Variants in DPP10 observed in about 807,000 individuals in gnomAD.
DPP10 encodes the protein inactive dipeptidyl peptidase 10.
A neutral mutation model predicts 120.9 loss-of-function variants in DPP10; 33 were observed. The ratio of observed to expected loss-of-function variants is 0.27; its 90% CI spans 0.21 to 0.37. The LOEUF is 0.37. Ranked by LOEUF, DPP10 falls within the 10% of genes least tolerant of loss-of-function variation. The probability of loss-of-function intolerance (pLI) is 1.00; values close to 1 mark genes in which losing one functional copy is unlikely to be tolerated. For missense variants in DPP10, 816 were observed against 942.8 expected (o/e 0.87, Z 1.76); for synonymous variants, 337 against 326.1 (o/e 1.03, Z -0.36).
intron 24 of DPP10, among the ~76,000 whole-genome samples, chr2:115,838,843 C>T (rs938627841): frequency 2.0e-5 from 3 of 152,204 alleles, no homozygotes; most frequent in African/African-American, 4.8e-5. Context: ...ACAACCCATA[C>T]GGGCCTGGTG....
At chr2:114,809,300 T>C (rs1684991805) in intron 1 of DPP10, among the ~76,000 whole-genome samples, 1 of 152,198 alleles carries the variant, frequency 6.6e-6, no homozygotes, top group Non-Finnish European at 1.5e-5. Flanking sequence ...GAAGGCCATT[T>C]AGATAACCCA....
At chr2:115,403,359 TTCTC>T (rs1478784910) in intron 3 of DPP10, among the ~76,000 whole-genome samples, 4 of 148,916 alleles carry the variant, frequency 2.7e-5, no homozygotes, top group African/African-American at 9.8e-5. Context: ...CTGTCACTAC[TTCTC>T]TCTTTCTTTC....
At chr2:114,490,025 A>G (rs529718954) in intron 1 of DPP10, among the ~76,000 whole-genome samples, 14 of 152,214 alleles carry the variant, frequency 9.2e-5, no homozygotes, top group Non-Finnish European at 1.8e-4. Context: ...TGCTGGTCCA[A>G]TAATTTTTAT....
chr2:114,878,996 A>C (rs1349867288), intron 1 of DPP10, among the ~76,000 whole-genome samples: 1 of 152,136 alleles, frequency 6.6e-6, no homozygotes, highest in African/African-American at 2.4e-5. Context: ...TATGGGATTT[A>C]AGAGAAAGGT....
At chr2:114,901,329 A>C (rs1452951220) in intron 1 of DPP10, among the ~76,000 whole-genome samples, 1 of 151,960 alleles carries the variant, frequency 6.6e-6, no homozygotes, top group South Asian at 2.1e-4. Context: ...TCCCGAGCAG[A>C]TGGGACTACA....
chr2:115,729,394 G>A (rs2092844240), intron 8 of DPP10, among the ~76,000 whole-genome samples: 1 of 152,170 alleles, frequency 6.6e-6, no homozygotes, highest in East Asian at 1.9e-4. Context: ...GTAAGTAGTT[G>A]AATCTTAATC....
chr2:115,673,062 T>C (rs1178866986), intron 5 of DPP10, among the ~76,000 whole-genome samples: 1 of 152,158 alleles, frequency 6.6e-6, no homozygotes, highest in East Asian at 1.9e-4. Context: ...ATGGCTTATA[T>C]TTTAAAAAGT....
chr2:115,020,529 T>C (rs1362367651), intron 1 of DPP10, among the ~76,000 whole-genome samples: 1 of 152,014 alleles, frequency 6.6e-6, no homozygotes, highest in Non-Finnish European at 1.5e-5. Context: ...CTACTAGACC[T>C]AGGAAATGAG....
intron 1 of DPP10, among the ~76,000 whole-genome samples, chr2:115,018,637 C>T (rs905006580): frequency 6.6e-6 from 1 of 152,120 alleles, no homozygotes; most frequent in East Asian, 1.9e-4. Flanking sequence ...CACATGTTCT[C>T]ACTCATAAGT....
intron 19 of DPP10, among the ~76,000 whole-genome samples, chr2:115,803,302 C>G (rs1001789902): frequency 6.6e-6 from 1 of 152,082 alleles, no homozygotes; most frequent in East Asian, 1.9e-4. Context: ...TCCTCCATCC[C>G]TTTATTTTGA....
chr2:115,024,651 A>G (rs1703326071), intron 1 of DPP10, among the ~76,000 whole-genome samples: 1 of 149,846 alleles, frequency 6.7e-6, no homozygotes, highest in South Asian at 2.1e-4. Context: ...ACATACACAC[A>G]TATAACCTTA....
chr2:114,826,948 T>C (rs1430055303), intron 1 of DPP10, among the ~76,000 whole-genome samples: 1 of 152,200 alleles, frequency 6.6e-6, no homozygotes, highest in Non-Finnish European at 1.5e-5. Flanking sequence ...CAAGGCCAGA[T>C]TCTTCTCTGT....
chr2:115,643,826 G>A (rs1389785169), intron 5 of DPP10, among the ~76,000 whole-genome samples: 1 of 152,152 alleles, frequency 6.6e-6, no homozygotes, highest in Non-Finnish European at 1.5e-5. Context: ...AGCTTAGTCA[G>A]TTATTTTTTA....
intron 1 of DPP10, among the ~76,000 whole-genome samples, chr2:114,892,278 A>G (rs1007136395): frequency 6.6e-6 from 1 of 152,296 alleles, no homozygotes; most frequent in East Asian, 1.9e-4. Flanking sequence ...TCAGTGTGGT[A>G]AGATATTTTG....
intron 1 of DPP10, among the ~76,000 whole-genome samples, chr2:114,966,239 C>G (rs377579625): frequency 1.2e-3 from 184 of 152,162 alleles, no homozygotes; most frequent in Non-Finnish European, 1.8e-3. Context: ...TTTGTTCTTG[C>G]CCAAACTCAC....
chr2:115,800,052 C>G (rs988822240), intron 19 of DPP10, among the ~76,000 whole-genome samples: 2 of 151,032 alleles, frequency 1.3e-5, no homozygotes, highest in African/African-American at 2.4e-5. Context: ...GTCCCACCAA[C>G]AGTGTAAAAG....
intron 1 of DPP10, among the ~76,000 whole-genome samples, chr2:114,775,966 A>G (rs879218051): frequency 2.0e-5 from 3 of 152,152 alleles, no homozygotes; most frequent in Admixed American, 1.3e-4. Flanking sequence ...ATGGAGGCAC[A>G]TGGGAAGGAC....
At chr2:114,651,618 T>C (rs1430141395) in intron 1 of DPP10, among the ~76,000 whole-genome samples, 1 of 152,186 alleles carries the variant, frequency 6.6e-6, no homozygotes, top group Non-Finnish European at 1.5e-5. Flanking sequence ...TGGTTGCATG[T>C]TAAAATCTCC....
At chr2:115,160,086 T>C (rs115196103) in intron 1 of DPP10, among the ~76,000 whole-genome samples, 1,696 of 152,324 alleles carry the variant, frequency 0.011, 23 homozygotes, top group African/African-American at 0.029. Context: ...TGAGGGAATA[T>C]CTATATTGTC....
Sources: gnomAD v4.1 joint callset for allele counts (sites outside exome capture counted in the v4.1 genomes callset) on GRCh38, gnomAD v4.1.1 for gene constraint, MANE v1.5 for transcripts, NCBI Gene and HGNC (gene_info 2026-07-23, HGNC 2026-07-21) for gene names.